The following LDLRAD4 variants were observed in gnomAD, a reference collection of about 807,000 sequenced individuals.
The protein encoded by LDLRAD4 is low density lipoprotein receptor class A domain containing 4.
A neutral mutation model predicts 17.0 loss-of-function variants in LDLRAD4; 5 were observed. The ratio of observed to expected loss-of-function variants is 0.29; its 90% confidence interval spans 0.15 to 0.62. LDLRAD4 has a LOEUF of 0.62. Among genes scored for constraint, LDLRAD4 ranks in the 20% least tolerant of loss-of-function variants. The pLI is 0.84. For missense variants in LDLRAD4, 340 were observed against 424.7 expected (o/e 0.80, Z 1.75); for synonymous variants, 168 against 171.8 (o/e 0.98, Z 0.17).
At chr18:13,341,190 C>T (rs2082356625) in intron 1 of LDLRAD4, among the ~76,000 whole-genome samples, 1 of 151,566 alleles carries the variant, frequency 6.6e-6, no homozygotes, top group Admixed American at 6.6e-5. Context: ...TTTTTTTCCC[C>T]CTAAAATTGT....
At chr18:13,436,481 T>TC (rs2090665557) in intron 2 of LDLRAD4, among the ~76,000 whole-genome samples, 1 of 152,244 alleles carries the variant, frequency 6.6e-6, no homozygotes, top group Admixed American at 6.5e-5. Flanking sequence ...ACTTTTTAGT[T>TC]AAGAGTTTGA....
Position 13,337,700 on chromosome 18 carries a change from C to T in LDLRAD4, c.-382-49641C>T, listed in dbSNP as rs1049403564. 9.8e-5 allele frequency among the ~76,000 whole-genome samples: 14 copies of T among 143,446 alleles called. No individual in the cohort carries two copies. In the South Asian group the frequency reaches 1.3e-3, roughly 13 times the overall value. 94.1% of individuals were successfully genotyped at this position (143,446 alleles called of 152,430 possible). On this transcript the variant is annotated intron_variant, in intron 1 of 5. Coordinates refer to ENST00000359446, the Ensembl canonical transcript of LDLRAD4. The stretch of plus-strand genomic sequence containing the variant: ...CGCTTGAAGCCAAGGAGTTCAAGAC[C>T]AGCCTGGTCAACATAGCAAAACCTT...
chr18:13,400,796 G>A (rs2087113680), intron 2 of LDLRAD4, among the ~76,000 whole-genome samples: 1 of 152,120 alleles, frequency 6.6e-6, no homozygotes, highest in South Asian at 2.1e-4. Flanking sequence ...GGGCCATGAG[G>A]TGAGCCGCGG....
chr18:13,427,271 A>C (rs1032335653), intron 2 of LDLRAD4: 1 of 152,594 alleles, frequency 6.6e-6, no homozygotes, highest in Non-Finnish European at 1.5e-5. Flanking sequence ...GACGTTTTCA[A>C]ATTTCATAAA....
intron 3 of LDLRAD4, among the ~76,000 whole-genome samples, chr18:13,580,777 A>G (rs1250761728): frequency 6.6e-6 from 1 of 152,210 alleles, no homozygotes; most frequent in African/African-American, 2.4e-5. Context: ...TTCCTGGCTT[A>G]TGAAACTGTC....
At position 13,645,306 on chromosome 18, in the gene LDLRAD4, G is replaced by A. The variant is rs1301941486; in HGVS notation, c.570G>A (p.Gln190=). 5.0e-6 allele frequency: 8 copies of A among 1,614,090 alleles called. No homozygotes were observed. In the African/African-American group the frequency reaches 9.3e-5, roughly 19 times the overall value. Residue 190 remains glutamine, a synonymous_variant, in exon 6 of 6, where the codon CAG becomes CAA. Transcript: ENST00000359446. This position sits in a 1 kb window ranked among gnomAD's most constrained non-coding sequence, Gnocchi z 5.7. ...CTTACCAGGGGCCCTGCACCCTGCA[G>A]CTCCGGGACCCTGAACAGCAGATGG... is the stretch of plus-strand genomic sequence containing the variant.
intron 3 of LDLRAD4, among the ~76,000 whole-genome samples, chr18:13,502,828 A>G (rs2093633536): frequency 6.6e-6 from 1 of 152,188 alleles, no homozygotes; most frequent in Non-Finnish European, 1.5e-5. Flanking sequence ...GCTGGTGGGG[A>G]ACTTCACCCG....
At chr18:13,577,630 GGA>G (rs1298468880) in intron 3 of LDLRAD4, among the ~76,000 whole-genome samples, 2 of 152,174 alleles carry the variant, frequency 1.3e-5, no homozygotes, top group African/African-American at 4.8e-5. Context: ...AAAAGCGAAG[GGA>G]GAGGGGAGCT....
intron 3 of LDLRAD4, among the ~76,000 whole-genome samples, chr18:13,575,519 G>T (rs2094756496): frequency 6.6e-6 from 1 of 152,318 alleles, no homozygotes; most frequent in East Asian, 1.9e-4. Flanking sequence ...GAATTGTGCT[G>T]CTATAAACAT....
intron 1 of LDLRAD4, among the ~76,000 whole-genome samples, chr18:13,299,849 A>G (rs1460308160): frequency 6.6e-6 from 1 of 152,138 alleles, no homozygotes; most frequent in African/African-American, 2.4e-5. Context: ...TCTCTTAAAA[A>G]AAAAAGGTAA....
chr18:13,359,060 G>T (rs1004159769), intron 1 of LDLRAD4, among the ~76,000 whole-genome samples: 15 of 152,304 alleles, frequency 9.8e-5, no homozygotes, highest in Non-Finnish European at 2.1e-4. Flanking sequence ...GGCTTTTCAG[G>T]CTGTGTTCCT....
At chr18:13,442,561 A>G (rs1275143364) in intron 3 of LDLRAD4, among the ~76,000 whole-genome samples, 2 of 152,338 alleles carry the variant, frequency 1.3e-5, no homozygotes, top group Middle Eastern at 3.4e-3. Context: ...AAGCCAATGT[A>G]TAAGGCTGCA....
At chr18:13,253,505 C>T (rs1217051302) in intron 1 of LDLRAD4, among the ~76,000 whole-genome samples, 1 of 152,166 alleles carries the variant, frequency 6.6e-6, no homozygotes, top group African/African-American at 2.4e-5. Context: ...CAAGAGCTCT[C>T]AGGCTGATTT....
chr18:13,285,527 T>G (rs2045571333), intron 1 of LDLRAD4, among the ~76,000 whole-genome samples: 2 of 152,168 alleles, frequency 1.3e-5, no homozygotes, highest in African/African-American at 2.4e-5. Context: ...TATAATATTT[T>G]AAAGTTGGCG....
At position 13,622,739 on chromosome 18, in the gene LDLRAD4, A is replaced by G. The variant is rs1348090197; in HGVS notation, c.336+1468A>G. Among the ~76,000 whole-genome samples the G allele has an allele frequency of 6.6e-6, 1 of 152,230 alleles. No homozygotes were observed. Among genetic ancestry groups the G allele is most frequent in the Non-Finnish European group, 1.5e-5 (1 of 68,040 alleles). The stretch of plus-strand genomic sequence containing the variant: ...ATTCACCTGTGTTTTGAGAGAGGAC[A>G]GGGAGAAAATCTCATCACAGCAGCA... On this transcript the variant is annotated intron_variant, in intron 4 of 5. Transcript: ENST00000359446. The surrounding 1 kb of genome is among the most constrained non-coding windows in gnomAD (Gnocchi z 5.3).
At chr18:13,285,537 G>A (rs978447405) in intron 1 of LDLRAD4, among the ~76,000 whole-genome samples, 5 of 152,148 alleles carry the variant, frequency 3.3e-5, no homozygotes, top group African/African-American at 9.7e-5. Context: ...TAAAGTTGGC[G>A]TGCTTCCTGC....
exon 6 of LDLRAD4, chr18:13,652,536 C>CAGTT (rs1201782175): frequency 6.6e-6 from 1 of 152,560 alleles, no homozygotes; most frequent in Non-Finnish European, 1.5e-5. Context: ...ACATAATTCC[C>CAGTT]AGTTATATAC....
At chr18:13,248,834 T>C (rs556475605) in intron 1 of LDLRAD4, among the ~76,000 whole-genome samples, 1 of 152,280 alleles carries the variant, frequency 6.6e-6, no homozygotes, top group Non-Finnish European at 1.5e-5. Context: ...CATACAGTGG[T>C]ATAGAACACT....
intron 1 of LDLRAD4, among the ~76,000 whole-genome samples, chr18:13,250,113 A>G (rs935166515): frequency 3.3e-5 from 5 of 152,210 alleles, no homozygotes; most frequent in Non-Finnish European, 5.9e-5. Context: ...TTTGTCAGAA[A>G]TCAGTTGGCT....
Sources: allele counts gnomAD v4.1 joint callset (sites outside exome capture counted in the v4.1 genomes callset), GRCh38; gene constraint gnomAD v4.1.1; non-coding constraint Gnocchi (gnomAD v3.1); transcripts MANE v1.5; gene names NCBI Gene and HGNC (gene_info 2026-07-23, HGNC 2026-07-21).